Variants in MLLT3 observed in about 807,000 individuals in gnomAD.
MLLT3 encodes the protein protein AF-9.
Under a neutral mutation model 53.2 loss-of-function variants are expected in MLLT3, and 4 were observed. That is an observed-to-expected ratio of 0.08 (90% CI 0.04 to 0.17). The LOEUF is 0.17. Ranked by LOEUF, MLLT3 falls within the 10% of genes least tolerant of loss-of-function variation. MLLT3 has a pLI of 1.00. For synonymous variants in MLLT3, 283 were observed against 230.6 expected (o/e 1.23, Z -2.06); for missense variants, 569 against 684.0 (o/e 0.83, Z 1.87).
chr9:20,394,115 T>A lies in MLLT3; in HGVS notation c.1125+19606A>T, dbSNP rs74618952. Among the ~76,000 whole-genome samples the A allele has an allele frequency of 3.2e-3, 485 of 152,286 alleles. 2 individuals are homozygous for A. The highest frequency in any genetic ancestry group is 5.1e-3 in the Non-Finnish European group (347 of 68,018). On this transcript the variant is annotated intron_variant, in intron 5 of 10. Coordinates refer to ENST00000380338, the MANE Select transcript of MLLT3 (RefSeq NM_004529.4). ...ATATGCAGTTTATAGAATTTTCACC[T>A]GTACAACACAGCAAGGAGCTGGCTG...
intron 3 of MLLT3, among the ~76,000 whole-genome samples, chr9:20,456,290 T>C (rs1823969135): frequency 6.6e-6 from 1 of 152,144 alleles, no homozygotes; most frequent in South Asian, 2.1e-4. Flanking sequence ...GAAATAACTA[T>C]ATACATGTAT....
intron 2 of MLLT3, among the ~76,000 whole-genome samples, chr9:20,568,269 T>C (rs2131160797): frequency 6.6e-6 from 1 of 152,262 alleles, no homozygotes; most frequent in East Asian, 1.9e-4. Flanking sequence ...GAGTTAATAA[T>C]TATTGAGGCT....
intron 2 of MLLT3, among the ~76,000 whole-genome samples, chr9:20,465,731 A>G (rs1824222954): frequency 6.6e-6 from 1 of 152,152 alleles, no homozygotes; most frequent in Non-Finnish European, 1.5e-5. Context: ...ATTTCTTTTC[A>G]GCATCTTGTG....
At chr9:20,551,675 A>G (rs1450712239) in intron 2 of MLLT3, among the ~76,000 whole-genome samples, 1 of 152,234 alleles carries the variant, frequency 6.6e-6, no homozygotes, top group African/African-American at 2.4e-5. Flanking sequence ...ACAGTGCATG[A>G]CTTCAGTATT....
At chr9:20,563,923 T>C (rs1819284087) in intron 2 of MLLT3, among the ~76,000 whole-genome samples, 1 of 152,144 alleles carries the variant, frequency 6.6e-6, no homozygotes, top group Non-Finnish European at 1.5e-5. Context: ...AGATGACTTT[T>C]AAAAATAAAT....
chr9:20,415,438 T>C, intron 4 of MLLT3: 2 of 968,496 alleles, frequency 2.1e-6, no homozygotes, highest in Non-Finnish European at 2.5e-6. Flanking sequence ...ATACTTACCA[T>C]ATTTGTGAAC....
intron 4 of MLLT3, among the ~76,000 whole-genome samples, chr9:20,431,916 C>T (rs1189148017): frequency 6.6e-6 from 1 of 151,838 alleles, no homozygotes; most frequent in African/African-American, 2.4e-5. Flanking sequence ...AAAAAATAAG[C>T]AAAGATGAGC....
intron 2 of MLLT3, among the ~76,000 whole-genome samples, chr9:20,538,060 G>A (rs1401101260): frequency 2.6e-5 from 4 of 152,102 alleles, no homozygotes; most frequent in Admixed American, 2.6e-4. Flanking sequence ...TATACCATCT[G>A]GGTGTTAGAA....
intron 2 of MLLT3, among the ~76,000 whole-genome samples, chr9:20,501,887 C>T (rs1349269596): frequency 1.3e-5 from 2 of 151,332 alleles, no homozygotes; most frequent in East Asian, 1.9e-4. Flanking sequence ...TCGAGACTAG[C>T]CTGGCCAATA....
intron 2 of MLLT3, among the ~76,000 whole-genome samples, chr9:20,617,066 T>C (rs1820849046): frequency 6.6e-6 from 1 of 152,188 alleles, no homozygotes; most frequent in African/African-American, 2.4e-5. Flanking sequence ...TGCACAGCAG[T>C]AAAACTGTTC....
intron 10 of MLLT3, among the ~76,000 whole-genome samples, chr9:20,349,278 T>G (rs1820951664): frequency 6.6e-6 from 1 of 152,208 alleles, no homozygotes; most frequent in African/African-American, 2.4e-5. Context: ...TGTACAAGTT[T>G]GGGCAGATGA....
At chr9:20,562,867 T>C (rs1332518088) in intron 2 of MLLT3, among the ~76,000 whole-genome samples, 1 of 152,206 alleles carries the variant, frequency 6.6e-6, no homozygotes, top group Admixed American at 6.6e-5. Context: ...GCTTCAAGTC[T>C]TAACTAATCA....
At chr9:20,622,013 G>C in intron 1 of MLLT3, 3 of 1,376,354 alleles carry the variant, frequency 2.2e-6, no homozygotes, top group Non-Finnish European at 2.8e-6. Flanking sequence ...GGGTGGAGGG[G>C]CGAGTGTGAG....
At chr9:20,411,895 A>G (rs1416220501) in intron 5 of MLLT3, 4 of 152,190 alleles carry the variant, frequency 2.6e-5, no homozygotes, top group African/African-American at 4.8e-5. Context: ...TCTTCTCATA[A>G]ATCGGCAAAC....
At chr9:20,597,144 A>T (rs1820294402) in intron 2 of MLLT3, among the ~76,000 whole-genome samples, 1 of 152,014 alleles carries the variant, frequency 6.6e-6, no homozygotes, top group African/African-American at 2.4e-5. Context: ...TGTATGCTAT[A>T]ACCTTGATAA....
intron 2 of MLLT3, among the ~76,000 whole-genome samples, chr9:20,583,915 T>G (rs572930231): frequency 6.6e-6 from 1 of 152,208 alleles, no homozygotes; most frequent in Non-Finnish European, 1.5e-5. Flanking sequence ...TTGCTACTTA[T>G]GCAAATTTCT....
chr9:20,384,936 T>C (rs943204411), intron 5 of MLLT3, among the ~76,000 whole-genome samples: 5 of 152,134 alleles, frequency 3.3e-5, no homozygotes, highest in Non-Finnish European at 2.9e-5. Context: ...GACACTGTTA[T>C]GTGGTGGTCT....
intron 2 of MLLT3, among the ~76,000 whole-genome samples, chr9:20,572,671 G>A (rs1268499745): frequency 6.6e-6 from 1 of 152,132 alleles, no homozygotes; most frequent in Non-Finnish European, 1.5e-5. Flanking sequence ...GCAGGCGCCT[G>A]TAACCCCAGC....
At chr9:20,431,386 G>A (rs1422719257) in intron 4 of MLLT3, among the ~76,000 whole-genome samples, 1 of 151,992 alleles carries the variant, frequency 6.6e-6, no homozygotes, top group African/African-American at 2.4e-5. Flanking sequence ...CTAGAGTTTG[G>A]GAACCACTGA....
Sources: allele counts gnomAD v4.1 joint callset (sites outside exome capture counted in the v4.1 genomes callset), GRCh38; gene constraint gnomAD v4.1.1; transcripts MANE v1.5; gene names NCBI Gene and HGNC (gene_info 2026-07-23, HGNC 2026-07-21).